The following NAP1L4 variants were observed in gnomAD, a reference collection of about 807,000 sequenced individuals.
NAP1L4 encodes the protein nucleosome assembly protein 1-like 4.
NAP1L4 carries 15 observed loss-of-function variants against 58.2 expected under a neutral mutation model. The observed-to-expected ratio is 0.26, with a 90% CI of 0.17 to 0.40. The LOEUF (loss-of-function observed/expected upper bound fraction) is 0.40. Among genes scored for constraint, NAP1L4 ranks in the 10% least tolerant of loss-of-function variants. The pLI is 1.00. For synonymous variants in NAP1L4, 171 were observed against 155.6 expected, an observed-to-expected ratio of 1.10 and a Z score of -0.74; for missense variants, 384 against 451.1, an observed-to-expected ratio of 0.85 and a Z score of 1.35.
At position 2,951,223 on chromosome 11, in the gene NAP1L4, T is replaced by A. The variant is rs759285396; in HGVS notation, c.1122+36A>T. On this transcript the variant is annotated intron_variant, in intron 14 of 15. Transcript: ENST00000380542. This position sits in a 1 kb window ranked among gnomAD's most constrained non-coding sequence, Gnocchi z 4.0. ...TTTTTAAAAGTCTAAGAGTGCAGCA[T>A]AATAAGTAGGTCTGGGTGGCCCCAA... 1 of 1,568,202 alleles carries A rather than the reference T, an allele frequency of 6.4e-7. No individual in the cohort carries two copies. Among genetic ancestry groups the A allele is most frequent in the Admixed American group, 1.7e-5 (1 of 59,386 alleles).
chr11:2,946,040 C>T lies in NAP1L4; in HGVS notation c.*33-394G>A, dbSNP rs370947627. ...TCCAGGAAGGCCACCGCGGAGGCAA[C>T]CCCTCTTGGTGCCAACAGTCCCCAC... On this transcript the variant is annotated intron_variant, in intron 15 of 15. Transcript: ENST00000380542. The surrounding 1 kb of genome is among the most constrained non-coding windows in gnomAD (Gnocchi z 4.8). Among the ~76,000 whole-genome samples, 1 of 152,308 alleles carries T rather than the reference C, an allele frequency of 6.6e-6. No homozygotes were observed. Among genetic ancestry groups the T allele is most frequent in the Admixed American group, 6.5e-5 (1 of 15,312 alleles).
chr11:2,972,023 A>C (rs147592132), intron 5 of NAP1L4, 79 bp downstream of exon 5: 1 of 1,392,970 alleles, frequency 7.2e-7, no homozygotes, highest in Non-Finnish European at 9.5e-7. Flanking sequence ...GATGTTGTCA[A>C]CTTATAATGG....
chr11:2,960,084 A>G, intron 8 of NAP1L4, 175 bp from the exon 9 acceptor site: 2 of 622,472 alleles, frequency 3.2e-6, no homozygotes, highest in South Asian at 2.1e-5. Flanking sequence ...AAAAAAACCA[A>G]CGATGGACTG....
Position 2,968,098 on chromosome 11 carries a change from C to T in NAP1L4, c.534+1705G>A, listed in dbSNP as rs527418210. On this transcript the variant is annotated intron_variant, in intron 7 of 15. Coordinates refer to ENST00000380542, the MANE Select transcript of NAP1L4 (RefSeq NM_005969.4). ...ACCCCAGGGCCCATGAGCCAGACAG[C>T]CCCACAGAACCAGAATCCGCACTGC... Among the ~76,000 whole-genome samples, 23 of 152,302 alleles carry T rather than the reference C, an allele frequency of 1.5e-4. 1 individual carries two copies. The East Asian group carries it at 4.4e-3, about 29-fold the overall frequency.
At position 2,949,400 on chromosome 11, in the gene NAP1L4, TCAA is replaced by T. The variant is rs1846107686; in HGVS notation, c.1123-139_1123-137del. 1 of 718,860 alleles carries T rather than the reference TCAA, an allele frequency of 1.4e-6. No individual in the cohort carries two copies. The highest frequency in any genetic ancestry group is 2.5e-6 in the Non-Finnish European group (1 of 395,384). 44.5% of individuals were successfully genotyped at this position (718,860 alleles called of 1,614,324 possible). On this transcript the variant is annotated intron_variant, in intron 14 of 15. Transcript: ENST00000380542. This position sits in a 1 kb window ranked among gnomAD's most constrained non-coding sequence, Gnocchi z 4.0. ...GATACTGAACTCGGGGTGAACAACT[TCAA>T]CACTAGATCATACTTTCAAAATGGG...
At chr11:2,985,878 A>G (rs1452557202) in intron 1 of NAP1L4, among the ~76,000 whole-genome samples, 1 of 152,152 alleles carries the variant, frequency 6.6e-6, no homozygotes, top group African/African-American at 2.4e-5. Context: ...TCGAGGAAAA[A>G]TAAAATAAAA....
intron 3 of NAP1L4, 37 bp from the exon 4 acceptor site, chr11:2,976,160 C>A: frequency 6.6e-7 from 1 of 1,515,846 alleles, no homozygotes; most frequent in Non-Finnish European, 9.1e-7. Flanking sequence ...TTAAAATATG[C>A]CCACCACACA....
chr11:2,965,424 CAG>C (rs781293703), intron 7 of NAP1L4, among the ~76,000 whole-genome samples: 12 of 152,198 alleles, frequency 7.9e-5, no homozygotes, highest in Non-Finnish European at 1.5e-4. Flanking sequence ...TATCTAAACA[CAG>C]AGAAGGTACA....
At chr11:2,977,590 G>A (rs1219859734) in intron 3 of NAP1L4, among the ~76,000 whole-genome samples, 2 of 152,320 alleles carry the variant, frequency 1.3e-5, no homozygotes, top group East Asian at 3.9e-4. Flanking sequence ...AGATTCGGGC[G>A]TGGGGTAAAA....
At position 2,949,354 on chromosome 11, in the gene NAP1L4, C is replaced by T; in HGVS notation, c.1123-90G>A. ...ACAGGAGGAAACGGCCACAATTTCTCATGATACAAAAGGGCTGCAAGATAC... is the reference window on the plus strand; with the variant it reads ...ACAGGAGGAAACGGCCACAATTTCTTATGATACAAAAGGGCTGCAAGATAC... On this transcript the variant is annotated intron_variant, in intron 14 of 15. Transcript: ENST00000380542. The surrounding 1 kb of genome is among the most constrained non-coding windows in gnomAD (Gnocchi z 4.0). 4 of 1,082,252 alleles carry T rather than the reference C, an allele frequency of 3.7e-6. No homozygotes were observed. In the Admixed American group the frequency reaches 5.2e-5, roughly 14 times the overall value. The allele number at this position is 1,082,252 out of a possible 1,614,324, so 67.0% of individuals were successfully genotyped here.
At position 2,954,376 on chromosome 11, in the gene NAP1L4, C is replaced by A. The variant is rs751719763; in HGVS notation, c.1035+151G>T. ...TTCTCCTCTTCAAGCGTATTCCCCC[C>A]ACAACAAGGACAGCAGCTTGGACTA... On this transcript the variant is annotated intron_variant, in intron 12 of 15. Coordinates refer to ENST00000380542, the MANE Select transcript of NAP1L4 (RefSeq NM_005969.4). The surrounding 1 kb of genome is among the most constrained non-coding windows in gnomAD (Gnocchi z 4.8). 26 of 1,147,688 alleles carry A rather than the reference C, an allele frequency of 2.3e-5. No homozygotes were observed. Among genetic ancestry groups the A allele is most frequent in the Non-Finnish European group, 3.1e-5 (24 of 785,048 alleles). 71.1% of individuals were successfully genotyped at this position (1,147,688 alleles called of 1,614,324 possible).
At position 2,958,178 on chromosome 11, in the gene NAP1L4, C is replaced by T; in HGVS notation, c.892+221G>A. ...CAGAGTAAAGCTCTTCCCTTTCCTGCAGAAGATGACAATCCTACTCTTACT... is the reference window on the plus strand; with the variant it reads ...CAGAGTAAAGCTCTTCCCTTTCCTGTAGAAGATGACAATCCTACTCTTACT... On this transcript the variant is annotated intron_variant, in intron 10 of 15. Coordinates refer to ENST00000380542, the MANE Select transcript of NAP1L4 (RefSeq NM_005969.4). The T allele has an allele frequency of 4.4e-6, 3 of 687,090 alleles. No homozygotes were observed. In the South Asian group the frequency reaches 4.5e-5, roughly 10 times the overall value. The allele number at this position is 687,090 out of a possible 1,614,324, so 42.6% of individuals were successfully genotyped here. A position where few individuals can be genotyped will look rare whatever the true frequency, so the allele number is the denominator to read the frequency against.
At chr11:2,950,197 G>A (rs978032234) in intron 14 of NAP1L4, among the ~76,000 whole-genome samples, 3 of 152,248 alleles carry the variant, frequency 2.0e-5, no homozygotes, top group Non-Finnish European at 2.9e-5. Context: ...GCACAGGTAC[G>A]CTTTCAGCAG....
At chr11:2,956,457 G>T (rs1279474861) in intron 10 of NAP1L4, among the ~76,000 whole-genome samples, 1 of 152,200 alleles carries the variant, frequency 6.6e-6, no homozygotes, top group Non-Finnish European at 1.5e-5. Flanking sequence ...ATCAGGAGTT[G>T]AATGTTTACT....
rs1358950701 is a variant in NAP1L4, at chr11:2,945,500, T to C, written c.*179A>G. The C allele has an allele frequency of 1.1e-6, 1 of 917,920 alleles. No individual in the cohort carries two copies. The highest frequency in any genetic ancestry group is 2.8e-5 in the East Asian group (1 of 35,132). 56.9% of individuals were successfully genotyped at this position (917,920 alleles called of 1,614,324 possible). Reference sequence around the variant, plus strand: ...GAAAATCATGCACTTGAAAACGAGTTAGATGGAGTAAGCTCTGTCCACGGG... The same window carrying C: ...GAAAATCATGCACTTGAAAACGAGTCAGATGGAGTAAGCTCTGTCCACGGG... On this transcript the variant is annotated 3_prime_UTR_variant, in exon 16 of 16. Coordinates refer to ENST00000380542, the MANE Select transcript of NAP1L4 (RefSeq NM_005969.4).
At chr11:2,963,288 A>T (rs1011679184) in intron 8 of NAP1L4, among the ~76,000 whole-genome samples, 1 of 152,166 alleles carries the variant, frequency 6.6e-6, no homozygotes, top group African/African-American at 2.4e-5. Flanking sequence ...ACCATGGGGA[A>T]GAGAATGCAC....
intron 7 of NAP1L4, among the ~76,000 whole-genome samples, chr11:2,966,519 G>A (rs566913754): frequency 6.8e-4 from 103 of 152,232 alleles, no homozygotes; most frequent in African/African-American, 2.4e-3. Context: ...GAGTGTGAAC[G>A]TGAGGTATTT....
chr11:2,978,088 T>C (rs1361249671), intron 3 of NAP1L4, among the ~76,000 whole-genome samples, 196 bp downstream of exon 3: 1 of 152,252 alleles, frequency 6.6e-6, no homozygotes, highest in African/African-American at 2.4e-5. Context: ...ACTATTACTC[T>C]CTTTACTACT....
intron 1 of NAP1L4, chr11:2,989,001 C>G (rs1848804536): frequency 6.6e-6 from 1 of 152,204 alleles, no homozygotes; most frequent in Admixed American, 6.5e-5. Context: ...CAAACTATTT[C>G]TTAAAAATTT....
Sources: gnomAD v4.1 joint callset for allele counts (sites outside exome capture counted in the v4.1 genomes callset) on GRCh38, gnomAD v4.1.1 for gene constraint, Gnocchi (gnomAD v3.1) non-coding constraint, MANE v1.5 for transcripts, NCBI Gene and HGNC (gene_info 2026-07-23, HGNC 2026-07-21) for gene names.